Variants in CHSY3 observed in about 807,000 individuals in gnomAD.
The protein encoded by CHSY3 is N-acetylgalactosaminyl-proteoglycan 3-beta-glucuronosyltransferase 3.
CHSY3 carries 35 observed loss-of-function variants against 67.2 expected under a neutral mutation model. That is an observed-to-expected ratio of 0.52 (90% CI 0.40 to 0.69). The LOEUF is 0.69. CHSY3 is among the 30% of genes least tolerant of loss of function. The pLI is 0.00. For synonymous variants in CHSY3, 474 were observed against 434.7 expected (o/e 1.09, Z -1.12); for missense variants, 1,069 against 1,138.5 (o/e 0.94, Z 0.88).
intron 2 of CHSY3, among the ~76,000 whole-genome samples, chr5:130,024,488 G>T (rs1386895220): frequency 6.6e-6 from 1 of 152,048 alleles, no homozygotes; most frequent in East Asian, 1.9e-4. Context: ...AAAAGAATGT[G>T]CAGACTCTGA....
At chr5:129,991,525 G>A (rs546661243) in intron 2 of CHSY3, among the ~76,000 whole-genome samples, 1 of 152,284 alleles carries the variant, frequency 6.6e-6, no homozygotes, top group Non-Finnish European at 1.5e-5. Context: ...GTTCCTTGAT[G>A]AGTATAATAG....
chr5:129,951,061 A>G (rs1378611381), intron 2 of CHSY3, among the ~76,000 whole-genome samples: 1 of 152,202 alleles, frequency 6.6e-6, no homozygotes, highest in Non-Finnish European at 1.5e-5. Flanking sequence ...CCAATAGGGC[A>G]GAATAGAAAG....
intron 2 of CHSY3, among the ~76,000 whole-genome samples, chr5:130,003,205 TG>T (rs1763782709): frequency 2.0e-5 from 3 of 152,164 alleles, no homozygotes; most frequent in Admixed American, 2.0e-4. Flanking sequence ...TACCATAATG[TG>T]GTAGGAAGCA....
At chr5:130,008,709 A>G (rs575985802) in intron 2 of CHSY3, among the ~76,000 whole-genome samples, 1 of 152,340 alleles carries the variant, frequency 6.6e-6, no homozygotes, top group African/African-American at 2.4e-5. Flanking sequence ...ACCCAATCCC[A>G]GGAATCTACT....
At chr5:130,093,418 G>A (rs1034352021) in intron 2 of CHSY3, among the ~76,000 whole-genome samples, 5 of 152,128 alleles carry the variant, frequency 3.3e-5, no homozygotes, top group Non-Finnish European at 5.9e-5. Context: ...AACTATATAT[G>A]TTTGGTTGTA....
chr5:130,143,756 ATGTGTGTGTG>A (rs1172129222), intron 2 of CHSY3, among the ~76,000 whole-genome samples: 66 of 101,846 alleles, frequency 6.5e-4, no homozygotes, highest in African/African-American at 1.7e-3. Context: ...ATATATATAT[ATGTGTGTGTG>A]TGTATATATA....
intron 2 of CHSY3, among the ~76,000 whole-genome samples, chr5:129,910,533 G>A (rs1760500764): frequency 6.6e-6 from 1 of 151,948 alleles, no homozygotes; most frequent in South Asian, 2.1e-4. Context: ...GTCTTATATA[G>A]AGAAATGATG....
chr5:129,983,511 T>A (rs1763081002), intron 2 of CHSY3, among the ~76,000 whole-genome samples: 2 of 152,134 alleles, frequency 1.3e-5, no homozygotes, highest in Admixed American at 6.5e-5. Flanking sequence ...AGATTAAGCT[T>A]AAATATTCTT....
chr5:130,076,598 C>T (rs568909694), intron 2 of CHSY3, among the ~76,000 whole-genome samples: 1 of 151,670 alleles, frequency 6.6e-6, no homozygotes, highest in Non-Finnish European at 1.5e-5. Flanking sequence ...TTCCTACATG[C>T]ACACTTCATA....
intron 2 of CHSY3, among the ~76,000 whole-genome samples, chr5:129,910,720 TA>T (rs1760508440): frequency 6.6e-6 from 1 of 152,028 alleles, no homozygotes; most frequent in Non-Finnish European, 1.5e-5. Flanking sequence ...ACAGATCCCA[TA>T]CTTCACTTTC....
intron 2 of CHSY3, among the ~76,000 whole-genome samples, chr5:130,034,499 C>T (rs1047049030): frequency 6.6e-6 from 1 of 152,036 alleles, no homozygotes; most frequent in Non-Finnish European, 1.5e-5. Flanking sequence ...TAATTGGTTT[C>T]CTTTCAAAAC....
chr5:130,095,760 T>C (rs954113440), intron 2 of CHSY3, among the ~76,000 whole-genome samples: 6 of 152,188 alleles, frequency 3.9e-5, no homozygotes, highest in Non-Finnish European at 8.8e-5. Flanking sequence ...TCTCAAAGTA[T>C]CTCTTTCAAA....
chr5:130,171,125 A>G (rs957825238), intron 2 of CHSY3, among the ~76,000 whole-genome samples: 3 of 152,198 alleles, frequency 2.0e-5, no homozygotes, highest in Non-Finnish European at 1.5e-5. Context: ...GAAAAAATAA[A>G]TGTAAAATTC....
At chr5:130,120,093 G>C (rs1207475406) in intron 2 of CHSY3, among the ~76,000 whole-genome samples, 3 of 151,940 alleles carry the variant, frequency 2.0e-5, no homozygotes, top group Admixed American at 6.6e-5. Flanking sequence ...TAACCTTAAA[G>C]AACACAAATA....
chr5:130,107,798 A>G (rs1396154382), intron 2 of CHSY3, among the ~76,000 whole-genome samples: 1 of 151,586 alleles, frequency 6.6e-6, no homozygotes. Context: ...CCTGCAAAGC[A>G]AGCTCTATCC....
intron 2 of CHSY3, among the ~76,000 whole-genome samples, chr5:130,006,126 G>A (rs1213770038): frequency 1.3e-5 from 2 of 152,156 alleles, no homozygotes; most frequent in African/African-American, 4.8e-5. Flanking sequence ...TGGGGTCTGA[G>A]AGTAGTCAAT....
intron 2 of CHSY3, among the ~76,000 whole-genome samples, chr5:130,107,337 T>C (rs1767441825): frequency 6.6e-6 from 1 of 151,388 alleles, no homozygotes; most frequent in Non-Finnish European, 1.5e-5. Flanking sequence ...ACAATAGTAA[T>C]GTGGAGTTCC....
At chr5:130,153,858 G>A (rs183742759) in intron 2 of CHSY3, among the ~76,000 whole-genome samples, 5 of 151,874 alleles carry the variant, frequency 3.3e-5, no homozygotes, top group East Asian at 1.9e-4. Flanking sequence ...TAATCATTAC[G>A]TAAACATTAG....
At chr5:129,955,143 A>T (rs1762135579) in intron 2 of CHSY3, among the ~76,000 whole-genome samples, 4 of 152,316 alleles carry the variant, frequency 2.6e-5, no homozygotes. Context: ...TTGGGATTAC[A>T]GGCGTGAGCC....
Sources: gnomAD v4.1 joint callset for allele counts (sites outside exome capture counted in the v4.1 genomes callset) on GRCh38, gnomAD v4.1.1 for gene constraint, MANE v1.5 for transcripts, NCBI Gene and HGNC (gene_info 2026-07-23, HGNC 2026-07-21) for gene names.